The following KNG1 variants were observed in gnomAD, a reference collection of about 807,000 sequenced individuals.
The protein encoded by KNG1 is kininogen 1, also known as kininogen-1.
In KNG1, 23 loss-of-function variants were observed where a neutral mutation model predicts 47.8. The ratio of observed to expected loss-of-function variants is 0.48; its 90% CI spans 0.35 to 0.68. The LOEUF (loss-of-function observed/expected upper bound fraction) is 0.68. KNG1 is among the 30% of genes least tolerant of loss of function. The probability of loss-of-function intolerance (pLI) is 0.01; values close to 1 mark genes in which losing one functional copy is unlikely to be tolerated. For missense variants in KNG1, 762 were observed against 790.2 expected (o/e 0.96, Z 0.43); for synonymous variants, 277 against 277.0 (o/e 1.00, Z 0.00).
At chr3:186,722,000 A>G (rs5029995) in intron 2 of KNG1, 1,905 of 177,334 alleles carry the variant, frequency 0.011, 45 homozygotes, top group African/African-American at 0.043. Flanking sequence ...ATGTAATCCC[A>G]GCTACTTGGG....
At chr3:186,730,175 A>G (rs1430773751) in intron 5 of KNG1, among the ~76,000 whole-genome samples, 1 of 151,930 alleles carries the variant, frequency 6.6e-6, no homozygotes, top group African/African-American at 2.4e-5. Flanking sequence ...CTTATCCAAG[A>G]AAGACCCTAA....
chr3:186,730,536 A>G (rs1720484796), intron 5 of KNG1, among the ~76,000 whole-genome samples: 1 of 151,230 alleles, frequency 6.6e-6, no homozygotes, highest in South Asian at 2.1e-4. Context: ...GACGCCTGTA[A>G]TCCCAGACAC....
At position 186,739,091 on chromosome 3, in the gene KNG1, T is replaced by G; in HGVS notation, c.931-8T>G. ...TAAGCGTTTACTTTGTACTAATTAA[T>G]TTTTCAGGTGGTGGCTGGCAAGAAA... On this transcript the variant is annotated splice_region_variant and splice_polypyrimidine_tract_variant and intron_variant, in intron 7 of 9. Coordinates refer to ENST00000644859, the MANE Select transcript of KNG1 (RefSeq NM_001102416.3). The G allele has an allele frequency of 1.3e-5, 21 of 1,606,008 alleles. No individual in the cohort carries two copies. The highest frequency in any genetic ancestry group is 1.7e-5 in the Non-Finnish European group (20 of 1,172,686).
intron 3 of KNG1, among the ~76,000 whole-genome samples, chr3:186,722,759 C>T (rs1054667903): frequency 2.0e-5 from 3 of 152,200 alleles, no homozygotes; most frequent in African/African-American, 7.2e-5. Context: ...CCAGTGTGTG[C>T]AAGGGCTCAA....
At chr3:186,722,561 T>A in intron 3 of KNG1, 40 bp downstream of exon 3, 1 of 1,457,814 alleles carries the variant, frequency 6.9e-7, no homozygotes, top group Non-Finnish European at 9.6e-7. Context: ...GGTGGGAAAT[T>A]AACCATTTCT....
intron 5 of KNG1, among the ~76,000 whole-genome samples, chr3:186,730,669 A>T (rs1487130691): frequency 3.1e-5 from 2 of 64,246 alleles, no homozygotes; most frequent in Admixed American, 4.8e-4. Flanking sequence ...AAAAAAAAAA[A>T]AAAAAAAAAA....
chr3:186,724,245 A>G (rs5030011), intron 3 of KNG1, among the ~76,000 whole-genome samples: 28,540 of 152,074 alleles, frequency 0.19, 2,867 homozygotes, highest in South Asian at 0.31. Context: ...GGCTGTGTTT[A>G]CCGCTTACAT....
chr3:186,719,997 T>C, intron 1 of KNG1, 108 bp from the exon 2 acceptor site: 1 of 765,088 alleles, frequency 1.3e-6, no homozygotes, highest in South Asian at 1.4e-5. Context: ...AAGTGAATGC[T>C]TTGCTCTCAA....
chr3:186,719,998 T>G (rs966418089), intron 1 of KNG1, 107 bp from the exon 2 acceptor site: 3 of 767,152 alleles, frequency 3.9e-6, no homozygotes, highest in Non-Finnish European at 4.8e-6. Flanking sequence ...AGTGAATGCT[T>G]TGCTCTCAAG....
chr3:186,742,239 C>A lies in KNG1; in HGVS notation c.1843C>A (p.Pro615Thr). The change falls in exon 10 of 10, where the codon CCT becomes ACT. Residue 615 changes from proline to threonine, a missense_variant. Transcript: ENST00000644859. Reference sequence around the variant, plus strand: ...TCCAGACACGACCTCCCCAAAATGTCCTGGACGCCCCTGGAAGTCAGTTAG... The same window carrying A: ...TCCAGACACGACCTCCCCAAAATGTACTGGACGCCCCTGGAAGTCAGTTAG... Reference protein sequence around the residue: ...DFPDTTSPKCPGRPWKSVSEI... With the variant: ...DFPDTTSPKCTGRPWKSVSEI... 6.2e-7 allele frequency: 1 copy of A among 1,614,162 alleles called. No homozygotes were observed. The highest frequency in any genetic ancestry group is 8.5e-7 in the Non-Finnish European group (1 of 1,180,030).
At position 186,724,948 on chromosome 3, in the gene KNG1, C is replaced by T. The variant is rs989240387; in HGVS notation, c.392-140C>T. On this transcript the variant is annotated intron_variant, in intron 3 of 9. Transcript: ENST00000644859. ...CTGGTCTCGAACTCCTGACCTCAGG[C>T]GATCTGCCCGCCTCAGCCTCCCAAA... 175 of 755,988 alleles carry T rather than the reference C, an allele frequency of 2.3e-4. 1 individual carries two copies. Among genetic ancestry groups the T allele is most frequent in the Middle Eastern group, 1.2e-3 (3 of 2,588 alleles). The allele number at this position is 755,988 out of a possible 1,614,324, so 46.8% of individuals were successfully genotyped here.
intron 7 of KNG1, among the ~76,000 whole-genome samples, chr3:186,737,195 G>A (rs1720692282): frequency 6.6e-6 from 1 of 152,208 alleles, no homozygotes; most frequent in African/African-American, 2.4e-5. Context: ...GGCTAACAAT[G>A]ATGTCTCATT....
intron 5 of KNG1, chr3:186,728,605 A>C (rs1405342788): frequency 6.6e-6 from 1 of 152,236 alleles, no homozygotes; most frequent in Admixed American, 6.5e-5. Context: ...ATGGAAAACA[A>C]ATTATGACAA....
At chr3:186,727,098 C>T in intron 4 of KNG1, 139 bp from the exon 5 acceptor site, 2 of 631,562 alleles carry the variant, frequency 3.2e-6, no homozygotes, top group Non-Finnish European at 5.7e-6. Flanking sequence ...CATTTTTTTG[C>T]CTAGTAATAA....
rs1217733153 is a variant in KNG1, at chr3:186,743,443, C to G, written c.*1112C>G. ...TGCAAAGAAGGTATATGCTTTATAACCAATGTTGTACTTTTGCCTAGAAAA... is the reference window on the plus strand; with the variant it reads ...TGCAAAGAAGGTATATGCTTTATAAGCAATGTTGTACTTTTGCCTAGAAAA... On this transcript the variant is annotated 3_prime_UTR_variant, in exon 10 of 10. Coordinates refer to ENST00000644859, the MANE Select transcript of KNG1 (RefSeq NM_001102416.3). The G allele has an allele frequency of 2.1e-6, 1 of 476,530 alleles. No individual in the cohort carries two copies. Among genetic ancestry groups the G allele is most frequent in the East Asian group, 4.0e-5 (1 of 24,878 alleles). 29.5% of individuals were successfully genotyped at this position (476,530 alleles called of 1,614,324 possible). A position where few individuals can be genotyped will look rare whatever the true frequency, so the allele number is the denominator to read the frequency against.
intron 4 of KNG1, among the ~76,000 whole-genome samples, chr3:186,727,014 C>T (rs181666079): frequency 1.8e-3 from 197 of 112,450 alleles, no homozygotes; most frequent in Non-Finnish European, 3.1e-3. Flanking sequence ...AGATGGCTAG[C>T]GGTGTATGTG....
chr3:186,730,645 G>T (rs1447026578), intron 5 of KNG1, among the ~76,000 whole-genome samples: 3 of 90,986 alleles, frequency 3.3e-5, no homozygotes, highest in Non-Finnish European at 4.1e-5. Flanking sequence ...GACAAAGAGA[G>T]ACTCCATCAC....
intron 1 of KNG1, among the ~76,000 whole-genome samples, chr3:186,719,806 T>A (rs925491362): frequency 5.3e-5 from 8 of 152,136 alleles, no homozygotes; most frequent in African/African-American, 1.9e-4. Flanking sequence ...AGACAAACAT[T>A]TTAACAGCTT....
chr3:186,720,461 G>T, intron 2 of KNG1: 1 of 462,008 alleles, frequency 2.2e-6, no homozygotes, highest in Non-Finnish European at 4.0e-6. Flanking sequence ...TGTCCAGCCA[G>T]AACATGTGGC....
Sources: gnomAD v4.1 joint callset for allele counts (sites outside exome capture counted in the v4.1 genomes callset) on GRCh38, gnomAD v4.1.1 for gene constraint, MANE v1.5 for transcripts, NCBI Gene and HGNC (gene_info 2026-07-23, HGNC 2026-07-21) for gene names.